Variants in MSI2 observed in about 807,000 individuals in gnomAD.
MSI2 encodes musashi RNA binding protein 2, also known as RNA-binding protein Musashi homolog 2.
A neutral mutation model predicts 45.6 loss-of-function variants in MSI2; 17 were observed. That is an observed-to-expected ratio of 0.37 (90% confidence interval 0.26 to 0.56). MSI2 has a LOEUF of 0.56. Among genes scored for constraint, MSI2 ranks in the 20% least tolerant of loss-of-function variants. The probability of loss-of-function intolerance (pLI) is 0.77; values close to 1 mark genes in which losing one functional copy is unlikely to be tolerated. For synonymous variants in MSI2, 156 were observed against 158.2 expected (o/e 0.99, Z 0.11); for missense variants, 293 against 444.2 (o/e 0.66, Z 3.06).
chr17:57,580,464 G>A (rs1426448968), intron 7 of MSI2, among the ~76,000 whole-genome samples: 2 of 152,178 alleles, frequency 1.3e-5, no homozygotes, highest in Admixed American at 6.5e-5. Flanking sequence ...CCTCCACTTA[G>A]GCCTGGCCCC....
At chr17:57,616,301 G>A (rs1369818155) in intron 9 of MSI2, 2 of 427,652 alleles carry the variant, frequency 4.7e-6, no homozygotes, top group East Asian at 7.4e-5. Context: ...GTGTGTGTGT[G>A]TGTTTGTATT....
intron 5 of MSI2, among the ~76,000 whole-genome samples, chr17:57,310,509 T>C (rs1450656632): frequency 6.6e-6 from 1 of 152,098 alleles, no homozygotes; most frequent in Non-Finnish European, 1.5e-5. Flanking sequence ...AATTTTTGTA[T>C]TTTTAGTAGA....
At chr17:57,286,937 G>C (rs1351002238) in intron 5 of MSI2, among the ~76,000 whole-genome samples, 1 of 152,122 alleles carries the variant, frequency 6.6e-6, no homozygotes, top group African/African-American at 2.4e-5. Flanking sequence ...GGGTCCTGCA[G>C]GTCAGAGTGT....
At chr17:57,690,217 A>G in the MSI2 span, among the ~76,000 whole-genome samples, 1 of 141,322 alleles carries the variant, frequency 7.1e-6, no homozygotes, top group Non-Finnish European at 1.5e-5. Flanking sequence ...TTTTATTTGT[A>G]TTTCTCTAAT....
chr17:57,302,441 T>C (rs1230683295), intron 5 of MSI2, among the ~76,000 whole-genome samples: 1 of 152,176 alleles, frequency 6.6e-6, no homozygotes, highest in Non-Finnish European at 1.5e-5. Flanking sequence ...AATAAATTAG[T>C]GTTAACTATA....
intron 6 of MSI2, among the ~76,000 whole-genome samples, chr17:57,512,172 G>C (rs572607279): frequency 6.6e-6 from 1 of 152,332 alleles, no homozygotes; most frequent in African/African-American, 2.4e-5. Flanking sequence ...ATCCTGCACT[G>C]ATGGCGCCTC....
intron 7 of MSI2, among the ~76,000 whole-genome samples, chr17:57,593,474 A>G (rs945794151): frequency 2.6e-5 from 4 of 151,706 alleles, no homozygotes; most frequent in Non-Finnish European, 4.4e-5. Context: ...TTCTCTGCCT[A>G]CCTCTGTCTT....
intron 5 of MSI2, among the ~76,000 whole-genome samples, chr17:57,357,944 G>GC (rs1323193824): frequency 1.3e-5 from 2 of 152,134 alleles, no homozygotes; most frequent in East Asian, 3.9e-4. Context: ...TCTCTGTACA[G>GC]CCCCATCTCC....
chr17:57,429,436 G>A lies in MSI2; in HGVS notation c.405+27965G>A, dbSNP rs546449276. ...TGACCATCCAGTGACTCCTGCTGCCGCTGTCCTTCCTGCCTGGATGTTTTT... is the reference window on the plus strand; with the variant it reads ...TGACCATCCAGTGACTCCTGCTGCCACTGTCCTTCCTGCCTGGATGTTTTT... On this transcript the variant is annotated intron_variant, in intron 6 of 13. Coordinates refer to ENST00000284073, the MANE Select transcript of MSI2 (RefSeq NM_138962.4). Among the ~76,000 whole-genome samples the A allele has an allele frequency of 5.3e-5, 8 of 152,292 alleles. No individual in the cohort carries two copies. The East Asian group carries it at 9.6e-4, about 18-fold the overall frequency.
chr17:57,535,875 G>A (rs971249267), intron 7 of MSI2, among the ~76,000 whole-genome samples: 5 of 152,340 alleles, frequency 3.3e-5, no homozygotes, highest in Non-Finnish European at 2.9e-5. Context: ...TGCGTAATCG[G>A]TTTATTTATT....
intron 6 of MSI2, among the ~76,000 whole-genome samples, chr17:57,415,507 T>C (rs1369992034): frequency 6.6e-6 from 1 of 152,202 alleles, no homozygotes; most frequent in African/African-American, 2.4e-5. Context: ...AACTGTCTCC[T>C]GAGCCTGGTT....
intron 5 of MSI2, among the ~76,000 whole-genome samples, chr17:57,350,390 T>C (rs1471382576): frequency 6.6e-6 from 1 of 152,164 alleles, no homozygotes; most frequent in Non-Finnish European, 1.5e-5. Flanking sequence ...AATGCCAATT[T>C]TCGGTTTGTG....
the MSI2 span, among the ~76,000 whole-genome samples, chr17:57,699,817 G>A: frequency 9.9e-5 from 15 of 152,210 alleles, no homozygotes; most frequent in Non-Finnish European, 2.2e-4. Context: ...GCACATGGCC[G>A]CATCAGCCAG....
intron 8 of MSI2, among the ~76,000 whole-genome samples, chr17:57,604,829 G>A (rs935894955): frequency 6.6e-6 from 1 of 151,888 alleles, no homozygotes; most frequent in African/African-American, 2.4e-5. Flanking sequence ...GGCTAGGGTC[G>A]GCTTCTGGGC....
chr17:57,389,384 A>G (rs866357742), intron 5 of MSI2, among the ~76,000 whole-genome samples: 1 of 152,066 alleles, frequency 6.6e-6, no homozygotes, highest in African/African-American at 2.4e-5. Flanking sequence ...TGCATCCCAC[A>G]ATGTCTTATG....
chr17:57,445,049 G>A (rs375832755), intron 6 of MSI2, among the ~76,000 whole-genome samples: 194 of 152,254 alleles, frequency 1.3e-3, no homozygotes, highest in South Asian at 2.3e-3. Context: ...ATATCTGGGC[G>A]TTTTTCATAG....
intron 6 of MSI2, among the ~76,000 whole-genome samples, chr17:57,512,706 G>A (rs1443592632): frequency 6.6e-6 from 1 of 152,124 alleles, no homozygotes; most frequent in Non-Finnish European, 1.5e-5. Context: ...CCTCCCATGT[G>A]GGCAGCATGG....
intron 6 of MSI2, among the ~76,000 whole-genome samples, chr17:57,424,325 A>G (rs1174997452): frequency 6.6e-6 from 1 of 152,232 alleles, no homozygotes; most frequent in Non-Finnish European, 1.5e-5. Flanking sequence ...TCTTCTACCT[A>G]GTAGCTCTGT....
chr17:57,657,686 TTC>T (rs1911702400), intron 11 of MSI2, among the ~76,000 whole-genome samples: 1 of 152,156 alleles, frequency 6.6e-6, no homozygotes, highest in African/African-American at 2.4e-5. Flanking sequence ...TCAAGATGTT[TTC>T]TGTGTCCCCA....
Sources: allele counts gnomAD v4.1 joint callset (sites outside exome capture counted in the v4.1 genomes callset), GRCh38; gene constraint gnomAD v4.1.1; transcripts MANE v1.5; gene names NCBI Gene and HGNC (gene_info 2026-07-23, HGNC 2026-07-21).